KCNJ1: variants seen among roughly 807,000 people sequenced by gnomAD.
KCNJ1 encodes potassium inwardly rectifying channel subfamily J member 1, also known as ATP-sensitive inward rectifier potassium channel 1.
In KCNJ1, 24 loss-of-function variants were observed where a neutral mutation model predicts 21.9. That is an observed-to-expected ratio of 1.10 (90% CI 0.79 to 1.54). The LOEUF (loss-of-function observed/expected upper bound fraction) is 1.54. Ranked by LOEUF, KCNJ1 falls within the 40% of genes most tolerant of loss-of-function variation. The probability of loss-of-function intolerance (pLI) is 0.00; values close to 1 mark genes in which losing one functional copy is unlikely to be tolerated. For missense variants in KCNJ1, 457 were observed against 455.4 expected (o/e 1.00, Z -0.03); for synonymous variants, 152 against 160.9 (o/e 0.94, Z 0.42).
At chr11:128,842,931 A>C (rs1334438723) in intron 2 of KCNJ1, among the ~76,000 whole-genome samples, 2 of 152,240 alleles carry the variant, frequency 1.3e-5, no homozygotes, top group Non-Finnish European at 2.9e-5. Context: ...AGACAAAAGT[A>C]AGATCACACC....
chr11:128,846,177 T>G (rs776842853), intron 2 of KCNJ1, among the ~76,000 whole-genome samples: 1 of 152,164 alleles, frequency 6.6e-6, no homozygotes, highest in Non-Finnish European at 1.5e-5. Context: ...AGACATTGAT[T>G]TGAACCCTAT....
intron 1 of KCNJ1, among the ~76,000 whole-genome samples, chr11:128,860,722 G>A (rs1943690492): frequency 6.6e-6 from 1 of 152,324 alleles, no homozygotes; most frequent in East Asian, 1.9e-4. Context: ...ACAAGAAAAT[G>A]CTGAAGGAAG....
At chr11:128,840,306 T>C in intron 2 of KCNJ1, 42 bp from the exon 3 acceptor site, 1 of 1,593,274 alleles carries the variant, frequency 6.3e-7, no homozygotes, top group Non-Finnish European at 8.6e-7. Flanking sequence ...ATTATGTTTA[T>C]AGCAATAGTG....
intron 1 of KCNJ1, among the ~76,000 whole-genome samples, chr11:128,856,672 A>G (rs1215419752): frequency 1.3e-5 from 2 of 152,216 alleles, no homozygotes; most frequent in Admixed American, 6.5e-5. Flanking sequence ...CAGCCCTGTC[A>G]ATGGCACACC....
At chr11:128,840,903 A>G (rs1591406026) in intron 2 of KCNJ1, among the ~76,000 whole-genome samples, 1 of 152,236 alleles carries the variant, frequency 6.6e-6, no homozygotes, top group African/African-American at 2.4e-5. Context: ...CAGTGGCAGG[A>G]TGACAACTAG....
At chr11:128,854,224 T>C (rs982604245) in intron 1 of KCNJ1, among the ~76,000 whole-genome samples, 18 of 152,348 alleles carry the variant, frequency 1.2e-4, no homozygotes, top group African/African-American at 4.3e-4. Flanking sequence ...CAAGAGCTCC[T>C]TCTCTCGGCT....
intron 2 of KCNJ1, among the ~76,000 whole-genome samples, chr11:128,844,500 C>A (rs1943344846): frequency 6.6e-6 from 1 of 152,162 alleles, no homozygotes; most frequent in Non-Finnish European, 1.5e-5. Context: ...CCTTCAAATT[C>A]TTGAAAGCAA....
intron 2 of KCNJ1, among the ~76,000 whole-genome samples, chr11:128,846,413 G>C (rs929337894): frequency 1.3e-5 from 2 of 152,196 alleles, no homozygotes; most frequent in East Asian, 1.9e-4. Flanking sequence ...TTTAATCAGG[G>C]GTCACTGGTC....
intron 1 of KCNJ1, among the ~76,000 whole-genome samples, chr11:128,851,707 C>T (rs1298713653): frequency 6.6e-6 from 1 of 152,214 alleles, no homozygotes; most frequent in Non-Finnish European, 1.5e-5. Context: ...GAGGCCTGAA[C>T]ATGCTTTACC....
At chr11:128,843,665 A>C (rs1242868028) in intron 2 of KCNJ1, among the ~76,000 whole-genome samples, 1 of 152,242 alleles carries the variant, frequency 6.6e-6, no homozygotes, top group Non-Finnish European at 1.5e-5. Context: ...AATGCCAAAA[A>C]GAATAACTTT....
At chr11:128,852,737 G>T (rs953344472) in intron 1 of KCNJ1, among the ~76,000 whole-genome samples, 1 of 152,262 alleles carries the variant, frequency 6.6e-6, no homozygotes, top group Non-Finnish European at 1.5e-5. Flanking sequence ...CTCAGAACAG[G>T]ACACTGCCCG....
chr11:128,864,857 C>A (rs1417084864), intron 1 of KCNJ1, among the ~76,000 whole-genome samples: 1 of 152,114 alleles, frequency 6.6e-6, no homozygotes, highest in Middle Eastern at 3.2e-3. Flanking sequence ...TCCCTGATTA[C>A]CCGGCCGTGG....
At chr11:128,846,974 CAT>C (rs1943392949) in intron 2 of KCNJ1, among the ~76,000 whole-genome samples, 1 of 152,186 alleles carries the variant, frequency 6.6e-6, no homozygotes, top group African/African-American at 2.4e-5. Context: ...AAAACACAAA[CAT>C]TGTCCAAGCC....
At chr11:128,860,117 G>C (rs959642905) in intron 1 of KCNJ1, among the ~76,000 whole-genome samples, 2 of 152,228 alleles carry the variant, frequency 1.3e-5, no homozygotes, top group Admixed American at 6.5e-5. Flanking sequence ...GCCCCAGACC[G>C]GGCAGGAGCC....
chr11:128,860,658 T>C (rs1242290648), intron 1 of KCNJ1, among the ~76,000 whole-genome samples: 1 of 152,022 alleles, frequency 6.6e-6, no homozygotes, highest in East Asian at 1.9e-4. Flanking sequence ...GGAGACGCAA[T>C]AGCCTGGAAA....
At chr11:128,860,479 G>T (rs986008872) in intron 1 of KCNJ1, among the ~76,000 whole-genome samples, 1 of 152,166 alleles carries the variant, frequency 6.6e-6, no homozygotes, top group Non-Finnish European at 1.5e-5. Flanking sequence ...GTGACTTAAG[G>T]GAAGGAAGAC....
intron 1 of KCNJ1, among the ~76,000 whole-genome samples, chr11:128,865,533 T>C (rs561919269): frequency 1.3e-5 from 2 of 152,086 alleles, no homozygotes; most frequent in East Asian, 1.9e-4. Context: ...AGAAAGACAA[T>C]AGTCATCACT....
In KCNJ1 at chr11:128,839,393, G is replaced by T; in HGVS notation, c.851C>A (p.Ser284Tyr). 6.2e-7 allele frequency: 1 copy of T among 1,614,162 alleles called. No homozygotes were observed. The highest frequency in any genetic ancestry group is 2.2e-5 in the East Asian group (1 of 44,882). The change falls in exon 3 of 3, where the codon TCC becomes TAC. Residue 284 changes from serine to tyrosine, a missense_variant. Transcript: ENST00000392666. ...LVVFLDGTVE[S>Y]TSATCQVRTS... ...CCGGACTTGGCAGGTAGCACTGGTG[G>T]ACTCCACTGTGCCATCTAAAAACAC...
chr11:128,840,390 C>G, intron 2 of KCNJ1, 126 bp from the exon 3 acceptor site: 4 of 893,820 alleles, frequency 4.5e-6, no homozygotes, highest in Non-Finnish European at 7.1e-6. Flanking sequence ...AATCATTTGG[C>G]AAGCTGACAA....
Sources: allele counts gnomAD v4.1 joint callset (sites outside exome capture counted in the v4.1 genomes callset), GRCh38; gene constraint gnomAD v4.1.1; transcripts MANE v1.5; gene names NCBI Gene and HGNC (gene_info 2026-07-23, HGNC 2026-07-21).